The following UPF2 variants were observed in gnomAD, a reference collection of about 807,000 sequenced individuals.
The protein encoded by UPF2 is regulator of nonsense transcripts 2.
A neutral mutation model predicts 141.4 loss-of-function variants in UPF2; 17 were observed. The ratio of observed to expected loss-of-function variants is 0.12; its 90% CI spans 0.08 to 0.18. The LOEUF is 0.18. Ranked by LOEUF, UPF2 falls within the 10% of genes least tolerant of loss-of-function variation. UPF2 has a pLI of 1.00. For synonymous variants in UPF2, 540 were observed against 498.0 expected (o/e 1.08, Z -1.12); for missense variants, 1,152 against 1,515.9 (o/e 0.76, Z 3.99).
At chr10:11,947,383 G>A (rs1050396417) in intron 16 of UPF2, among the ~76,000 whole-genome samples, 5 of 152,130 alleles carry the variant, frequency 3.3e-5, no homozygotes, top group Non-Finnish European at 7.3e-5. Context: ...ATAACCATGA[G>A]ATCTGGGAAA....
chr10:11,932,060 A>G (rs185198625), intron 19 of UPF2, among the ~76,000 whole-genome samples: 1 of 152,230 alleles, frequency 6.6e-6, no homozygotes, highest in Non-Finnish European at 1.5e-5. Context: ...GAGGCAGGAG[A>G]ACTGCTTGAA....
rs1833107881 is a variant in UPF2 at position 11,953,801 on chromosome 10, A to AT, written c.2850+1430_2850+1431insA. Among the ~76,000 whole-genome samples, 1 of 152,212 alleles carries AT rather than the reference A, an allele frequency of 6.6e-6. No homozygotes were observed. Among genetic ancestry groups the AT allele is most frequent in the African/African-American group, 2.4e-5 (1 of 41,444 alleles). ...TCATCAATTCAGAAAGTAAGGGAGT[A>AT]ATAGGTTTCCCTCTACTGCAAAAGA... On this transcript the variant is annotated intron_variant, in intron 14 of 21. Transcript: ENST00000357604. This position sits in a 1 kb window ranked among gnomAD's most constrained non-coding sequence, Gnocchi z 5.0.
chr10:11,961,089 C>CA (rs59208108), intron 11 of UPF2, among the ~76,000 whole-genome samples: 16,732 of 86,110 alleles, frequency 0.19, 1,283 homozygotes, highest in East Asian at 0.37. Flanking sequence ...GACCCTGTCT[C>CA]AAAAAAAAAA....
At chr10:11,932,993 T>C (rs1252854189) in intron 19 of UPF2, among the ~76,000 whole-genome samples, 1 of 152,202 alleles carries the variant, frequency 6.6e-6, no homozygotes, top group Non-Finnish European at 1.5e-5. Flanking sequence ...TTATATTACA[T>C]TAAAACTTGT....
rs1184008277 is a variant in UPF2, at chr10:12,042,530, T to C, written c.-19+225A>G. Among the ~76,000 whole-genome samples, 4 of 152,052 alleles carry C rather than the reference T, an allele frequency of 2.6e-5. No homozygotes were observed. The highest frequency in any genetic ancestry group is 9.7e-5 in the African/African-American group (4 of 41,406). ...CACCTCCTCCACCGCCCCCCAAGCA[T>C]GGCCCGGCCCGGGGGCTCCCGCGTT... On this transcript the variant is annotated intron_variant, in intron 1 of 21. Coordinates refer to ENST00000357604, the MANE Select transcript of UPF2 (RefSeq NM_015542.4). The surrounding 1 kb of genome is among the most constrained non-coding windows in gnomAD (Gnocchi z 5.5).
At chr10:11,942,786 A>C (rs1267538038) in intron 17 of UPF2, 23 bp from the exon 18 acceptor site, 9 of 1,600,392 alleles carry the variant, frequency 5.6e-6, no homozygotes, top group Non-Finnish European at 7.7e-6. Context: ...AAACAACAAA[A>C]TCAGACCAGA....
rs1411266473 is a variant in UPF2 at position 11,992,978 on chromosome 10, G to A, written c.1844+4694C>T. ...AGCCTGGTTAATATGGTGAAACCCC[G>A]TTTCTACTAAAACTACAAAAAATTA... is the stretch of plus-strand genomic sequence containing the variant. On this transcript the variant is annotated intron_variant, in intron 8 of 21. Transcript: ENST00000357604. This position sits in a 1 kb window ranked among gnomAD's most constrained non-coding sequence, Gnocchi z 4.1. Among the ~76,000 whole-genome samples, 3 of 151,904 alleles carry A rather than the reference G, an allele frequency of 2.0e-5. No individual in the cohort carries two copies. Among genetic ancestry groups the A allele is most frequent in the African/African-American group, 7.3e-5 (3 of 41,356 alleles).
chr10:11,999,721 C>T (rs964514774), intron 7 of UPF2, among the ~76,000 whole-genome samples, 185 bp downstream of exon 7: 8 of 152,228 alleles, frequency 5.3e-5, no homozygotes, highest in South Asian at 2.1e-4. Context: ...CAATTCTCTA[C>T]CCAAACAGAG....
chr10:11,930,228 A>G (rs999161719), intron 20 of UPF2, among the ~76,000 whole-genome samples: 1 of 152,232 alleles, frequency 6.6e-6, no homozygotes, highest in African/African-American at 2.4e-5. Flanking sequence ...TAGCTATATT[A>G]TGAGGCAGTA....
intron 1 of UPF2, among the ~76,000 whole-genome samples, chr10:12,039,514 A>C (rs902710577): frequency 3.3e-5 from 5 of 152,210 alleles, no homozygotes; most frequent in Non-Finnish European, 5.9e-5. Context: ...AAAAAAGTTT[A>C]TATAGATTTC....
chr10:11,926,963 C>G (rs763639529), intron 21 of UPF2, among the ~76,000 whole-genome samples: 1 of 152,230 alleles, frequency 6.6e-6, no homozygotes, highest in East Asian at 1.9e-4. Flanking sequence ...CACATGCTCA[C>G]GTCGATGACA....
intron 12 of UPF2, among the ~76,000 whole-genome samples, chr10:11,957,182 A>G (rs1440035858): frequency 1.3e-5 from 2 of 151,934 alleles, no homozygotes; most frequent in African/African-American, 2.4e-5. Flanking sequence ...TAATCCCAGC[A>G]CTTTGTGAGG....
chr10:11,978,225 A>G (rs1833537948), intron 9 of UPF2, among the ~76,000 whole-genome samples: 1 of 152,226 alleles, frequency 6.6e-6, no homozygotes, highest in Admixed American at 6.5e-5. Context: ...AGTGAGTGAG[A>G]GAAAGCGTGT....
At chr10:11,937,763 T>C (rs7895354) in intron 18 of UPF2, among the ~76,000 whole-genome samples, 88,737 of 151,916 alleles carry the variant, frequency 0.58, 27,907 homozygotes, top group East Asian at 0.84. Context: ...TGATATAGGC[T>C]CCATATATTC....
chr10:12,002,352 A>G (rs1363004742), intron 5 of UPF2, among the ~76,000 whole-genome samples: 1 of 152,174 alleles, frequency 6.6e-6, no homozygotes, highest in Non-Finnish European at 1.5e-5. Context: ...AACTGAAGAG[A>G]TGGATGGATG....
chr10:11,978,325 T>C (rs896377502), intron 9 of UPF2, among the ~76,000 whole-genome samples: 18 of 152,230 alleles, frequency 1.2e-4, no homozygotes, highest in Admixed American at 3.9e-4. Context: ...CTAACTACAA[T>C]TGAATTTCAT....
chr10:12,013,012 C>T (rs1236517463), intron 4 of UPF2, among the ~76,000 whole-genome samples: 1 of 151,046 alleles, frequency 6.6e-6, no homozygotes, highest in Non-Finnish European at 1.5e-5. Flanking sequence ...GCAGTCCCAG[C>T]TACTTGGGAG....
chr10:12,036,875 A>G (rs187086445), intron 1 of UPF2, among the ~76,000 whole-genome samples: 1 of 152,228 alleles, frequency 6.6e-6, no homozygotes, highest in East Asian at 1.9e-4. Flanking sequence ...AAAATATAAA[A>G]TTAGACGGGT....
intron 1 of UPF2, among the ~76,000 whole-genome samples, chr10:12,038,438 G>GA (rs1268397833): frequency 7.1e-6 from 1 of 141,650 alleles, no homozygotes; most frequent in African/African-American, 2.6e-5. Flanking sequence ...TTTAATATAT[G>GA]AAAAAGCAGG....
Sources: allele counts gnomAD v4.1 joint callset (sites outside exome capture counted in the v4.1 genomes callset), GRCh38; gene constraint gnomAD v4.1.1; non-coding constraint Gnocchi (gnomAD v3.1); transcripts MANE v1.5; gene names NCBI Gene and HGNC (gene_info 2026-07-23, HGNC 2026-07-21).